Variants in USP48 observed in about 807,000 individuals in gnomAD.
The protein encoded by USP48 is ubiquitin carboxyl-terminal hydrolase 48.
Under a neutral mutation model 150.7 loss-of-function variants are expected in USP48, and 43 were observed. That is an observed-to-expected ratio of 0.29 (90% CI 0.22 to 0.37). The LOEUF (loss-of-function observed/expected upper bound fraction) is 0.37. Ranked by LOEUF, USP48 falls within the 10% of genes least tolerant of loss-of-function variation. The probability of loss-of-function intolerance (pLI) is 1.00; values close to 1 mark genes in which losing one functional copy is unlikely to be tolerated. For missense variants in USP48, 813 were observed against 1,249.6 expected, an observed-to-expected ratio of 0.65 and a Z score of 5.27; for synonymous variants, 396 against 425.9, an observed-to-expected ratio of 0.93 and a Z score of 0.86.
chr1:21,772,427 T>C (rs1476538462), intron 1 of USP48, among the ~76,000 whole-genome samples: 1 of 150,940 alleles, frequency 6.6e-6, no homozygotes, highest in African/African-American at 2.4e-5. Flanking sequence ...ATTGAGACCA[T>C]CCCGGCTAAC....
rs2097559140 is a variant in USP48, at chr1:21,679,391, C to T, written c.*26G>A. On this transcript the variant is annotated 3_prime_UTR_variant, in exon 27 of 27. Transcript: ENST00000308271. Reference sequence around the variant, plus strand: ...AACTCCTCTTCCCCTCTGGTCATTTCTTAGCAGTCAGCAAGTATTCAAAGA... The same window carrying T: ...AACTCCTCTTCCCCTCTGGTCATTTTTTAGCAGTCAGCAAGTATTCAAAGA... 30 of 1,614,128 alleles carry T rather than the reference C, an allele frequency of 1.9e-5. No homozygotes were observed. Among genetic ancestry groups the T allele is most frequent in the Non-Finnish European group, 2.5e-5 (30 of 1,179,984 alleles).
intron 6 of USP48, among the ~76,000 whole-genome samples, chr1:21,749,904 C>T (rs543986831): frequency 2.3e-4 from 35 of 152,222 alleles, no homozygotes; most frequent in African/African-American, 7.7e-4. Flanking sequence ...CATCTGGCTC[C>T]GGCCTGCAAA....
chr1:21,694,593 A>AAC (rs1557429022), intron 23 of USP48, among the ~76,000 whole-genome samples: 64 of 125,766 alleles, frequency 5.1e-4, no homozygotes, highest in African/African-American at 1.7e-3. Flanking sequence ...AAAAAAAAAA[A>AAC]AAAAAAAAAA....
chr1:21,728,772 T>A, intron 10 of USP48, 53 bp from the exon 11 acceptor site: 4 of 1,589,476 alleles, frequency 2.5e-6, no homozygotes, highest in Middle Eastern at 1.7e-4. Context: ...TCACATATAG[T>A]GAACCATGCT....
chr1:21,706,247 C>A, intron 17 of USP48, 60 bp from the exon 18 acceptor site: 1 of 1,577,206 alleles, frequency 6.3e-7, no homozygotes, highest in South Asian at 1.1e-5. Context: ...AACACAAATT[C>A]CTTATAATAT....
intron 3 of USP48, among the ~76,000 whole-genome samples, chr1:21,755,233 A>C (rs747369859): frequency 2.0e-5 from 3 of 152,056 alleles, no homozygotes; most frequent in Non-Finnish European, 2.9e-5. Flanking sequence ...ATAAAATATT[A>C]CTCCTTGGCC....
intron 1 of USP48, among the ~76,000 whole-genome samples, chr1:21,773,242 G>A (rs2097887195): frequency 7.6e-6 from 1 of 130,756 alleles, no homozygotes; most frequent in African/African-American, 3.0e-5. Context: ...GCAACAGACT[G>A]AGACTCGGTC....
At chr1:21,767,854 T>C (rs537688703) in intron 1 of USP48, among the ~76,000 whole-genome samples, 129 of 152,342 alleles carry the variant, frequency 8.5e-4, no homozygotes, top group African/African-American at 2.9e-3. Context: ...GATTTTCATG[T>C]AATGCCTCAT....
At chr1:21,705,597 C>A (rs1275260941) in intron 19 of USP48, 130 bp downstream of exon 19, 86 of 617,476 alleles carry the variant, frequency 1.4e-4, no homozygotes, top group Middle Eastern at 4.5e-4. Flanking sequence ...GAAAAAAAAA[C>A]CCCACAATTC....
intron 25 of USP48, among the ~76,000 whole-genome samples, chr1:21,684,094 T>C (rs538296583): frequency 6.6e-6 from 1 of 152,328 alleles, no homozygotes; most frequent in Non-Finnish European, 1.5e-5. Context: ...GCAATAAACA[T>C]GAGAGTGCAA....
Position 21,736,629 on chromosome 1 carries a change from G to C in USP48, c.992-4C>G. 1 of 1,379,480 alleles carries C rather than the reference G, an allele frequency of 7.2e-7. No individual in the cohort carries two copies. Among genetic ancestry groups the C allele is most frequent in the Non-Finnish European group, 9.4e-7 (1 of 1,060,674 alleles). The allele number at this position is 1,379,480 out of a possible 1,614,324, so 85.5% of individuals were successfully genotyped here. A position where few individuals can be genotyped will look rare whatever the true frequency, so the allele number is the denominator to read the frequency against. ...AGTTCATACACGTAGGACCCACCTG[G>C]AGAGAAAGGGAGAAAGTAAAAGAAA... On this transcript the variant is annotated splice_polypyrimidine_tract_variant and splice_region_variant and intron_variant, in intron 8 of 26. Transcript: ENST00000308271.
chr1:21,728,774 A>G (rs895045470), intron 10 of USP48, 55 bp from the exon 11 acceptor site: 2 of 1,588,146 alleles, frequency 1.3e-6, no homozygotes, highest in Non-Finnish European at 1.7e-6. Context: ...ACATATAGTG[A>G]ACCATGCTAA....
chr1:21,780,975 C>T (rs978540849), intron 1 of USP48, among the ~76,000 whole-genome samples: 2 of 150,790 alleles, frequency 1.3e-5, no homozygotes, highest in Non-Finnish European at 3.0e-5. Context: ...CTCCTGACCT[C>T]GTGATCCGCC....
At chr1:21,767,227 T>C (rs775368683) in intron 1 of USP48, among the ~76,000 whole-genome samples, 2 of 152,128 alleles carry the variant, frequency 1.3e-5, no homozygotes, top group Admixed American at 6.5e-5. Context: ...TTTGTATCAT[T>C]TGTAGAGATG....
chr1:21,719,926 AT>A (rs1410812828), intron 14 of USP48, among the ~76,000 whole-genome samples: 1 of 152,182 alleles, frequency 6.6e-6, no homozygotes, highest in African/African-American at 2.4e-5. Flanking sequence ...AAAATAAAAA[AT>A]AATGATACAA....
chr1:21,746,867 C>A (rs1280641336), intron 8 of USP48, among the ~76,000 whole-genome samples, 200 bp downstream of exon 8: 1 of 152,182 alleles, frequency 6.6e-6, no homozygotes, highest in Admixed American at 6.5e-5. Context: ...ACCACCTCAT[C>A]TTTGCTATAT....
rs1399391695 is a variant in USP48 at position 21,706,320 on chromosome 1, T to G, written c.2212-133A>C. ...GAAAACACAGTCCTCTACCAAAAAA[T>G]AGCAGGCTGGAGTAAATCCCCTGGT... On this transcript the variant is annotated intron_variant, in intron 17 of 26. Coordinates refer to ENST00000308271, the MANE Select transcript of USP48 (RefSeq NM_032236.8). The G allele has an allele frequency of 2.0e-6, 3 of 1,493,130 alleles. No homozygotes were observed. The African/African-American group carries it at 4.2e-5, about 21-fold the overall frequency. 92.5% of individuals were successfully genotyped at this position (1,493,130 alleles called of 1,614,324 possible). A position where few individuals can be genotyped will look rare whatever the true frequency, so the allele number is the denominator to read the frequency against.
chr1:21,778,939 G>T (rs1486138462), intron 1 of USP48, among the ~76,000 whole-genome samples: 1 of 151,888 alleles, frequency 6.6e-6, no homozygotes, highest in East Asian at 1.9e-4. Context: ...CCGCCACCAT[G>T]CCCGGCTAAT....
At chr1:21,680,879 C>T (rs1322784095) in intron 25 of USP48, 45 bp from the exon 26 acceptor site, 65 of 1,476,256 alleles carry the variant, frequency 4.4e-5, no homozygotes, top group Non-Finnish European at 6.0e-5. Flanking sequence ...AAAAGATTGT[C>T]GTGACAGACA....
Sources: allele counts gnomAD v4.1 joint callset (sites outside exome capture counted in the v4.1 genomes callset), GRCh38; gene constraint gnomAD v4.1.1; transcripts MANE v1.5; gene names NCBI Gene and HGNC (gene_info 2026-07-23, HGNC 2026-07-21).